Variants in NRXN1 observed in about 807,000 individuals in gnomAD.
NRXN1 encodes the protein neurexin-1.
A neutral mutation model predicts 150.9 loss-of-function variants in NRXN1; 39 were observed. That is an observed-to-expected ratio of 0.26 (90% CI 0.20 to 0.34). The LOEUF is 0.34. Ranked by LOEUF, NRXN1 falls within the 10% of genes least tolerant of loss-of-function variation. The probability of loss-of-function intolerance (pLI) is 1.00; values close to 1 mark genes in which losing one functional copy is unlikely to be tolerated. For missense variants in NRXN1, 1,815 were observed against 1,949.9 expected, an observed-to-expected ratio of 0.93 and a Z score of 1.30; for synonymous variants, 924 against 757.0, an observed-to-expected ratio of 1.22 and a Z score of -3.62.
At chr2:50,914,341 A>T (rs918739117) in intron 5 of NRXN1, among the ~76,000 whole-genome samples, 2 of 151,664 alleles carry the variant, frequency 1.3e-5, no homozygotes, top group African/African-American at 4.8e-5. Flanking sequence ...TATAAGATCT[A>T]CTTCATTTTT....
intron 5 of NRXN1, among the ~76,000 whole-genome samples, chr2:50,788,999 T>C (rs78654040): frequency 0.061 from 9,221 of 151,712 alleles, 389 homozygotes; most frequent in Non-Finnish European, 0.088. Flanking sequence ...GAGCAGGAAA[T>C]GGATTGGGGG....
chr2:50,843,793 G>A (rs1008439152), intron 5 of NRXN1, among the ~76,000 whole-genome samples: 1 of 152,130 alleles, frequency 6.6e-6, no homozygotes, highest in African/African-American at 2.4e-5. Context: ...GACTGCAGTA[G>A]GAAGTATCAA....
At chr2:50,669,571 A>G (rs1394472079) in intron 5 of NRXN1, among the ~76,000 whole-genome samples, 1 of 151,956 alleles carries the variant, frequency 6.6e-6, no homozygotes, top group Non-Finnish European at 1.5e-5. Flanking sequence ...GCAAGTTTCA[A>G]AACAAATTAT....
At chr2:50,288,292 G>A (rs2072460601) in intron 17 of NRXN1, among the ~76,000 whole-genome samples, 1 of 152,052 alleles carries the variant, frequency 6.6e-6, no homozygotes, top group Non-Finnish European at 1.5e-5. Flanking sequence ...GACTAAGAAA[G>A]AAGTGCCACT....
At chr2:51,005,967 C>T (rs1040763490) in intron 2 of NRXN1, among the ~76,000 whole-genome samples, 1 of 151,304 alleles carries the variant, frequency 6.6e-6, no homozygotes, top group African/African-American at 2.4e-5. Flanking sequence ...AAATAAAAAC[C>T]AAAAGCAAGC....
intron 17 of NRXN1, among the ~76,000 whole-genome samples, chr2:50,349,847 A>G (rs932148368): frequency 1.3e-5 from 2 of 152,164 alleles, no homozygotes; most frequent in Non-Finnish European, 1.5e-5. Flanking sequence ...AGAACATTGC[A>G]TTGTTTTCCA....
At chr2:50,714,172 A>C (rs1158170370) in intron 5 of NRXN1, among the ~76,000 whole-genome samples, 1 of 152,168 alleles carries the variant, frequency 6.6e-6, no homozygotes, top group Non-Finnish European at 1.5e-5. Context: ...CCAGTAGCTA[A>C]ATCAACTTTA....
In NRXN1 at chr2:51,028,915, T is replaced by C. The variant is rs552765943; in HGVS notation, c.-642A>G. The C allele has an allele frequency of 1.3e-5, 2 of 152,332 alleles. No homozygotes were observed. Among genetic ancestry groups the C allele is most frequent in the East Asian group, 3.9e-4 (2 of 5,172 alleles). The allele number at this position is 152,332 out of a possible 1,614,324, so 9.4% of individuals were successfully genotyped here. Reference sequence around the variant, plus strand: ...AGGATAGCTTCAAAGGCCTGCTTCTTCTGTCATAGCATGGGCTTCAGCACC... The same window carrying C: ...AGGATAGCTTCAAAGGCCTGCTTCTCCTGTCATAGCATGGGCTTCAGCACC... On this transcript the variant is annotated 5_prime_UTR_variant, in exon 2 of 23. Coordinates refer to ENST00000401669, the MANE Select transcript of NRXN1 (RefSeq NM_001330078.2).
intron 5 of NRXN1, among the ~76,000 whole-genome samples, chr2:50,913,302 T>C (rs970158550): frequency 4.6e-5 from 7 of 151,746 alleles, no homozygotes; most frequent in Admixed American, 1.3e-4. Flanking sequence ...GGAATCACAA[T>C]TGGACAATTT....
intron 4 of NRXN1, 46 bp from the exon 5 acceptor site, chr2:50,921,926 A>G: frequency 8.7e-7 from 1 of 1,145,304 alleles, no homozygotes. Context: ...GTTTCCAGAC[A>G]AAGAGGATAA....
In NRXN1 at chr2:50,531,236, C is replaced by T. The variant is rs2093094613; in HGVS notation, c.2338G>A (p.Val780Ile). 1 of 1,612,464 alleles carries T rather than the reference C, an allele frequency of 6.2e-7. No individual in the cohort carries two copies. The highest frequency in any genetic ancestry group is 8.5e-7 in the Non-Finnish European group (1 of 1,179,318). The part of the protein sequence containing the change: ...ELDAGRVKLT[V>I]NLDCIRINCN... ...GAAGGCAGGTTGTTACCTAGATTGACCGTCAGTTTCACACGTCCTGCGTCT... is the reference window on the plus strand; with the variant it reads ...GAAGGCAGGTTGTTACCTAGATTGATCGTCAGTTTCACACGTCCTGCGTCT... Residue 780 changes from valine to isoleucine, a missense_variant, in exon 11 of 23, where the codon GTC (valine) becomes ATC (isoleucine). Coordinates refer to ENST00000401669, the MANE Select transcript of NRXN1 (RefSeq NM_001330078.2).
chr2:50,694,879 C>T (rs531141283), intron 5 of NRXN1, among the ~76,000 whole-genome samples: 6 of 152,060 alleles, frequency 3.9e-5, no homozygotes, highest in Admixed American at 1.3e-4. Context: ...AAATTAATTG[C>T]GGGGTATTCT....
chr2:50,073,682 ACT>A (rs1246617922), intron 19 of NRXN1, among the ~76,000 whole-genome samples: 2 of 151,956 alleles, frequency 1.3e-5, no homozygotes, highest in East Asian at 1.9e-4. Context: ...TGACATAATG[ACT>A]CTCTGCTAAT....
chr2:50,631,167 A>T, intron 5 of NRXN1: 1 of 424,548 alleles, frequency 2.4e-6, no homozygotes, highest in Non-Finnish European at 4.7e-6. Flanking sequence ...ATATTCTAAA[A>T]TTACCAACTA....
chr2:50,242,067 G>C (rs1338245066), intron 17 of NRXN1, among the ~76,000 whole-genome samples: 1 of 151,702 alleles, frequency 6.6e-6, no homozygotes, highest in Non-Finnish European at 1.5e-5. Flanking sequence ...TCATCTTGTA[G>C]CCAACACGAA....
chr2:50,716,178 C>A (rs1410132583), intron 5 of NRXN1, among the ~76,000 whole-genome samples: 1 of 152,146 alleles, frequency 6.6e-6, no homozygotes, highest in African/African-American at 2.4e-5. Flanking sequence ...ATATTACATT[C>A]CAAAATGATT....
At chr2:50,239,502 T>TA (rs67135789) in intron 17 of NRXN1, among the ~76,000 whole-genome samples, 138,345 of 147,362 alleles carry the variant, frequency 0.94, 65,011 homozygotes, top group East Asian at 1. Context: ...CTTTCACAAT[T>TA]AAAAAAAATC....
At chr2:50,924,675 G>T (rs1686594889) in intron 3 of NRXN1, among the ~76,000 whole-genome samples, 1 of 151,588 alleles carries the variant, frequency 6.6e-6, no homozygotes, top group Admixed American at 6.6e-5. Context: ...TACAAAAACA[G>T]AAGCCATATA....
chr2:50,457,636 G>T (rs1176675056), intron 17 of NRXN1, among the ~76,000 whole-genome samples: 1 of 151,890 alleles, frequency 6.6e-6, no homozygotes, highest in Non-Finnish European at 1.5e-5. Context: ...ACAAATAATT[G>T]AATTTTTAAA....
Sources: gnomAD v4.1 joint callset for allele counts (sites outside exome capture counted in the v4.1 genomes callset) on GRCh38, gnomAD v4.1.1 for gene constraint, MANE v1.5 for transcripts, NCBI Gene and HGNC (gene_info 2026-07-23, HGNC 2026-07-21) for gene names.